Variants in ANKS6 observed in about 807,000 individuals in gnomAD.
ANKS6 encodes ankyrin repeat and SAM domain-containing protein 6.
Under a neutral mutation model 77.9 loss-of-function variants are expected in ANKS6, and 47 were observed. That is an observed-to-expected ratio of 0.60 (90% confidence interval 0.48 to 0.77). The LOEUF (loss-of-function observed/expected upper bound fraction) is 0.77, where lower values mean the gene tolerates loss of function less well. Among genes scored for constraint, ANKS6 ranks in the 30% least tolerant of loss-of-function variants. The probability of loss-of-function intolerance (pLI) is 0.00; values close to 1 mark genes in which losing one functional copy is unlikely to be tolerated. For missense variants in ANKS6, 1,150 were observed against 1,159.1 expected, an observed-to-expected ratio of 0.99 and a Z score of 0.11; for synonymous variants, 488 against 501.7, an observed-to-expected ratio of 0.97 and a Z score of 0.37.
chr9:98,738,476 T>C (rs1256913144), intron 14 of ANKS6, among the ~76,000 whole-genome samples: 3 of 150,774 alleles, frequency 2.0e-5, no homozygotes, highest in East Asian at 1.9e-4. Context: ...CCAGCAAACA[T>C]ATGAAAAAAT....
At chr9:98,737,618 T>C (rs1332156951) in intron 14 of ANKS6, among the ~76,000 whole-genome samples, 2 of 152,242 alleles carry the variant, frequency 1.3e-5, no homozygotes, top group Non-Finnish European at 2.9e-5. Flanking sequence ...CCCATGCTCA[T>C]GGATGGAGAG....
chr9:98,774,057 G>C lies in ANKS6; in HGVS notation c.1641C>G (p.Thr547=). 1 of 1,525,550 alleles carries C rather than the reference G, an allele frequency of 6.6e-7. No individual in the cohort carries two copies. The highest frequency in any genetic ancestry group is 2.5e-5 in the East Asian group (1 of 40,192). 94.5% of individuals were successfully genotyped at this position (1,525,550 alleles called of 1,614,324 possible). A position where few individuals can be genotyped will look rare whatever the true frequency, so the allele number is the denominator to read the frequency against. Residue 547 remains threonine, a synonymous_variant, in exon 9 of 15, where the codon ACC becomes ACG. Transcript: ENST00000353234. ...TTMLRNGAPL[T]RLPSDKLKAV... ...CTTTCAGCTTGTCACTCGGGAGTCT[G>C]GTGAGGGGAGCTCCGTTTCGAAGCT...
Position 98,791,377 on chromosome 9 carries a change from G to C in ANKS6, c.360-771C>G, listed in dbSNP as rs1027053234. Among the ~76,000 whole-genome samples the C allele has an allele frequency of 6.6e-6, 1 of 152,170 alleles. No homozygotes were observed. The highest frequency in any genetic ancestry group is 1.5e-5 in the Non-Finnish European group (1 of 68,024). On this transcript the variant is annotated intron_variant, in intron 1 of 14. Coordinates refer to ENST00000353234, the MANE Select transcript of ANKS6 (RefSeq NM_173551.5). This position sits in a 1 kb window ranked among gnomAD's most constrained non-coding sequence, Gnocchi z 4.3. ...GGAATGTTTGTTGCAGGCGGCTGAGGACCCAGCCTAGGCCAGATCTTCCTC... is the reference window on the plus strand; with the variant it reads ...GGAATGTTTGTTGCAGGCGGCTGAGCACCCAGCCTAGGCCAGATCTTCCTC...
chr9:98,774,243 C>T (rs570477472), intron 8 of ANKS6, among the ~76,000 whole-genome samples, 163 bp from the exon 9 acceptor site: 75 of 152,328 alleles, frequency 4.9e-4, no homozygotes, highest in Non-Finnish European at 9.1e-4. Context: ...CCAGTAACCG[C>T]ACAACACCCA....
intron 2 of ANKS6, among the ~76,000 whole-genome samples, chr9:98,785,558 C>A (rs1291238874): frequency 6.6e-6 from 1 of 152,214 alleles, no homozygotes; most frequent in Admixed American, 6.5e-5. Context: ...AGATGTTAGC[C>A]CCTCCCTCAC....
chr9:98,781,845 C>T (rs922905152), intron 5 of ANKS6, among the ~76,000 whole-genome samples: 1 of 152,176 alleles, frequency 6.6e-6, no homozygotes, highest in African/African-American at 2.4e-5. Flanking sequence ...GCTTCTCTCT[C>T]TCTGGGTTGA....
chr9:98,782,716 A>T lies in ANKS6; in HGVS notation c.1113-143T>A, dbSNP rs1834343984. The T allele has an allele frequency of 6.2e-6, 4 of 643,546 alleles. No homozygotes were observed. In the South Asian group the frequency reaches 7.5e-5, roughly 12 times the overall value. The allele number at this position is 643,546 out of a possible 1,614,324, so 39.9% of individuals were successfully genotyped here. On this transcript the variant is annotated intron_variant, in intron 4 of 14. Transcript: ENST00000353234. ...AGGGCAAACAGTCTCACATTCTCTCATTCCCTAGCACGTGGGCAGGTCAAG... is the reference window on the plus strand; with the variant it reads ...AGGGCAAACAGTCTCACATTCTCTCTTTCCCTAGCACGTGGGCAGGTCAAG...
chr9:98,794,068 T>C (rs938412633), intron 1 of ANKS6, among the ~76,000 whole-genome samples: 5 of 143,950 alleles, frequency 3.5e-5, no homozygotes, highest in Non-Finnish European at 6.0e-5. Flanking sequence ...GAGAATCGCT[T>C]GAACCCAGGA....
At chr9:98,744,665 T>C (rs2131931805) in intron 14 of ANKS6, among the ~76,000 whole-genome samples, 1 of 152,198 alleles carries the variant, frequency 6.6e-6, no homozygotes, top group South Asian at 2.1e-4. Context: ...TGCTCTCTGA[T>C]ATCTCCACAT....
At chr9:98,793,118 TG>T (rs1351619840) in intron 1 of ANKS6, among the ~76,000 whole-genome samples, 2 of 152,194 alleles carry the variant, frequency 1.3e-5, no homozygotes, top group Non-Finnish European at 2.9e-5. Flanking sequence ...AGCACTGGGC[TG>T]AGAGTCCAGC....
chr9:98,735,782 T>C lies in ANKS6; in HGVS notation c.*737A>G. On this transcript the variant is annotated 3_prime_UTR_variant, in exon 15 of 15. Transcript: ENST00000353234. The stretch of plus-strand genomic sequence containing the variant: ...CTTCTATAATAGACTCTCTTTGCAA[T>C]AAAGAAAAATGCGTTTGACATACAC... 1 of 1,231,608 alleles carries C rather than the reference T, an allele frequency of 8.1e-7. No individual in the cohort carries two copies. The allele number at this position is 1,231,608 out of a possible 1,614,324, so 76.3% of individuals were successfully genotyped here.
At chr9:98,777,914 A>G (rs1834004109) in intron 7 of ANKS6, among the ~76,000 whole-genome samples, 1 of 152,204 alleles carries the variant, frequency 6.6e-6, no homozygotes. Flanking sequence ...TCATAGACCA[A>G]TCACATTTCA....
At chr9:98,739,556 C>T (rs1831700097) in intron 14 of ANKS6, among the ~76,000 whole-genome samples, 1 of 152,156 alleles carries the variant, frequency 6.6e-6, no homozygotes, top group Non-Finnish European at 1.5e-5. Flanking sequence ...AACAGTCCCT[C>T]AGGTGACGGC....
Position 98,790,592 on chromosome 9 carries a change from C to T in ANKS6, c.374G>A (p.Ser125Asn). Residue 125 changes from serine (S) to asparagine (N), a missense_variant, in exon 2 of 15, where the codon AGT (serine) becomes AAT (asparagine). Coordinates refer to ENST00000353234, the MANE Select transcript of ANKS6 (RefSeq NM_173551.5). ...LMQAARFGHVSVAHLLLDHGA... is the reference protein window; with the variant it reads ...LMQAARFGHVNVAHLLLDHGA... ...GTGATCCAACAGGAGGTGTGCCACA[C>T]TCACATGCCCAAATCTGCCAGGAAG... The T allele has an allele frequency of 6.3e-7, 1 of 1,598,150 alleles. No homozygotes were observed. The highest frequency in any genetic ancestry group is 8.6e-7 in the Non-Finnish European group (1 of 1,167,098).
intron 1 of ANKS6, among the ~76,000 whole-genome samples, chr9:98,793,582 G>A (rs1190556349): frequency 2.0e-5 from 3 of 151,928 alleles, no homozygotes; most frequent in African/African-American, 4.8e-5. Flanking sequence ...GTGCAGTGGC[G>A]CGATCTCAGC....
At chr9:98,778,446 G>A (rs1416391687) in intron 6 of ANKS6, 22 bp from the exon 7 acceptor site, 1 of 1,611,026 alleles carries the variant, frequency 6.2e-7, no homozygotes, top group South Asian at 1.1e-5. Context: ...ACGCAGAGCA[G>A]AAGTCATGCT....
chr9:98,775,569 T>C (rs528219207), intron 8 of ANKS6, among the ~76,000 whole-genome samples: 1 of 152,312 alleles, frequency 6.6e-6, no homozygotes, highest in Admixed American at 6.5e-5. Flanking sequence ...AATGAGCTGA[T>C]ACATGCAAAG....
rs566549524 is a variant in ANKS6, at chr9:98,795,970, C to G, written c.359+163G>C. 8 of 710,690 alleles carry G rather than the reference C, an allele frequency of 1.1e-5. No individual in the cohort carries two copies. The South Asian group carries it at 4.9e-4, about 44-fold the overall frequency. 44.0% of individuals were successfully genotyped at this position (710,690 alleles called of 1,614,324 possible). On this transcript the variant is annotated intron_variant, in intron 1 of 14. Transcript: ENST00000353234. Reference sequence around the variant, plus strand: ...TTATGTTAATTCAAAAGTGTTTCCACGTCTATGCTCAAAGTTTACAAAAGA... The same window carrying G: ...TTATGTTAATTCAAAAGTGTTTCCAGGTCTATGCTCAAAGTTTACAAAAGA...
intron 5 of ANKS6, among the ~76,000 whole-genome samples, chr9:98,780,765 C>T (rs1007957943): frequency 6.6e-6 from 1 of 151,986 alleles, no homozygotes. Flanking sequence ...TCCTTTAGAG[C>T]AATACAAGTG....
Sources: gnomAD v4.1 joint callset for allele counts (sites outside exome capture counted in the v4.1 genomes callset) on GRCh38, gnomAD v4.1.1 for gene constraint, Gnocchi (gnomAD v3.1) non-coding constraint, MANE v1.5 for transcripts, NCBI Gene and HGNC (gene_info 2026-07-23, HGNC 2026-07-21) for gene names.